The following MIB1 variants were observed in gnomAD, a reference collection of about 807,000 sequenced individuals.
The protein encoded by MIB1 is E3 ubiquitin-protein ligase MIB1.
MIB1 carries 278 observed loss-of-function variants against 124.5 expected under a neutral mutation model. That is an observed-to-expected ratio of 2.23 (90% CI 2.02 to 2.47). MIB1 has a LOEUF of 2.47. MIB1 is among the 30% of genes most tolerant of loss of function. The probability of loss-of-function intolerance (pLI) is 0.00; values close to 1 mark genes in which losing one functional copy is unlikely to be tolerated. For synonymous variants in MIB1, 446 were observed against 429.4 expected (o/e 1.04, Z -0.48); for missense variants, 957 against 1,254.4 (o/e 0.76, Z 3.58).
chr18:21,833,261 C>T (rs1370700671), intron 12 of MIB1, among the ~76,000 whole-genome samples: 2 of 152,154 alleles, frequency 1.3e-5, no homozygotes, highest in Non-Finnish European at 2.9e-5. Context: ...ATCTTTGCCT[C>T]AGTATATTCA....
chr18:21,852,809 T>C (rs2042192045), intron 17 of MIB1, among the ~76,000 whole-genome samples: 1 of 152,248 alleles, frequency 6.6e-6, no homozygotes, highest in Admixed American at 6.5e-5. Context: ...GTTGTCTTTT[T>C]TAGTTTCCCC....
Position 21,799,960 on chromosome 18 carries a change from A to T in MIB1, c.1357A>T (p.Arg453Ter), listed in dbSNP as rs1336165005. The change falls in exon 9 of 21, where the codon AGA becomes TGA. Residue 453 changes from arginine (R) to a stop codon, truncating the protein, a stop_gained. Coordinates refer to ENST00000261537, the MANE Select transcript of MIB1 (RefSeq NM_020774.4). LOFTEE classifies it high-confidence loss of function. ...DVAKVEDLLK[R>*]PDVDVNGQCA... ...TGCTAAAGTGGAAGATTTGCTTAAAAGACCAGATGTGGATGTGAGCATTTT... is the reference window on the plus strand; with the variant it reads ...TGCTAAAGTGGAAGATTTGCTTAAATGACCAGATGTGGATGTGAGCATTTT... The T allele has an allele frequency of 1.9e-6, 3 of 1,611,370 alleles. No homozygotes were observed. The highest frequency in any genetic ancestry group is 2.5e-6 in the Non-Finnish European group (3 of 1,178,286).
At chr18:21,822,768 G>A (rs574606084) in intron 12 of MIB1, among the ~76,000 whole-genome samples, 5 of 151,936 alleles carry the variant, frequency 3.3e-5, no homozygotes, top group African/African-American at 4.8e-5. Flanking sequence ...TAGTGTACTC[G>A]GAATTAAAAA....
At chr18:21,765,982 G>C (rs891512175) in intron 2 of MIB1, 39 bp downstream of exon 2, 1 of 1,594,726 alleles carries the variant, frequency 6.3e-7, no homozygotes, top group African/African-American at 1.3e-5. Context: ...GAGGGTTTTT[G>C]TTTGTATTCA....
chr18:21,860,771 G>T (rs2042269943), intron 20 of MIB1, among the ~76,000 whole-genome samples: 1 of 152,110 alleles, frequency 6.6e-6, no homozygotes, highest in African/African-American at 2.4e-5. Flanking sequence ...TGAGTGATGT[G>T]TACCTGTAAT....
intron 7 of MIB1, among the ~76,000 whole-genome samples, chr18:21,795,361 A>C (rs1180906525): frequency 1.5e-4 from 22 of 143,712 alleles, no homozygotes; most frequent in Non-Finnish European, 1.4e-4. Context: ...TAAATAATAC[A>C]TAATATATAA....
Position 21,857,128 on chromosome 18 carries a change from A to C in MIB1, c.2666-2A>C. On this transcript the variant is annotated splice_acceptor_variant, in intron 18 of 20. Coordinates refer to ENST00000261537, the MANE Select transcript of MIB1 (RefSeq NM_020774.4). LOFTEE classifies it high-confidence loss of function. ...AGAAGTGTCTGTGTTACCGTTTTCC[A>C]GACTGTGCTAACCTGATGAAAAAGT... The C allele has an allele frequency of 6.2e-7, 1 of 1,610,116 alleles. No homozygotes were observed.
At chr18:21,833,060 A>G (rs975333189) in intron 12 of MIB1, among the ~76,000 whole-genome samples, 7 of 152,220 alleles carry the variant, frequency 4.6e-5, no homozygotes, top group African/African-American at 1.7e-4. Context: ...ACTGAGGCAC[A>G]GAAGTTAAGT....
Position 21,847,137 on chromosome 18 carries a change from T to A in MIB1, c.2393+12T>A. 6.2e-7 allele frequency: 1 copy of A among 1,608,658 alleles called. No individual in the cohort carries two copies. The highest frequency in any genetic ancestry group is 8.5e-7 in the Non-Finnish European group (1 of 1,175,750). On this transcript the variant is annotated intron_variant, in intron 16 of 20. Transcript: ENST00000261537. ...AAGGAAAAAGTCAGGTTTGTATTATTTATTATCATAAAACTTAATATTCTG... is the reference window on the plus strand; with the variant it reads ...AAGGAAAAAGTCAGGTTTGTATTATATATTATCATAAAACTTAATATTCTG...
At chr18:21,851,935 CTT>C (rs1568227429) in intron 17 of MIB1, among the ~76,000 whole-genome samples, 1 of 151,962 alleles carries the variant, frequency 6.6e-6, no homozygotes, top group African/African-American at 2.4e-5. Flanking sequence ...ATTTTAAACT[CTT>C]CAGAAACAAT....
At chr18:21,776,525 A>G (rs2146421609) in intron 4 of MIB1, among the ~76,000 whole-genome samples, 1 of 152,322 alleles carries the variant, frequency 6.6e-6, no homozygotes, top group Admixed American at 6.5e-5. Flanking sequence ...ATCCACATCT[A>G]AATTTTCACA....
chr18:21,856,290 A>C (rs2042227879), intron 18 of MIB1, among the ~76,000 whole-genome samples: 1 of 152,010 alleles, frequency 6.6e-6, no homozygotes, highest in Non-Finnish European at 1.5e-5. Flanking sequence ...AACAATCATA[A>C]CAACATACAG....
chr18:21,746,665 C>T (rs1029008716), intron 1 of MIB1, among the ~76,000 whole-genome samples: 3 of 152,044 alleles, frequency 2.0e-5, no homozygotes, highest in African/African-American at 7.2e-5. Flanking sequence ...TGTATTGTTA[C>T]CAGAGATAAT....
At chr18:21,768,887 T>A (rs1013768558) in intron 3 of MIB1, 135 bp downstream of exon 3, 3 of 749,710 alleles carry the variant, frequency 4.0e-6, no homozygotes, top group Middle Eastern at 4.5e-4. Flanking sequence ...TGATTTCTTT[T>A]TTCTCTGGAA....
intron 1 of MIB1, among the ~76,000 whole-genome samples, chr18:21,726,785 C>G (rs2040744075): frequency 6.6e-6 from 1 of 152,172 alleles, no homozygotes; most frequent in African/African-American, 2.4e-5. Flanking sequence ...TTCACTCCCC[C>G]CGTAACAATG....
At position 21,853,224 on chromosome 18, in the gene MIB1, T is replaced by A; in HGVS notation, c.2665+6T>A. On this transcript the variant is annotated splice_donor_region_variant and intron_variant, in intron 18 of 20. Coordinates refer to ENST00000261537, the MANE Select transcript of MIB1 (RefSeq NM_020774.4). ...CCACATGTGTGCTTGTGAGAGTAAGTAGCCTATGCAGAGTTCCTCAATATT... is the reference window on the plus strand; with the variant it reads ...CCACATGTGTGCTTGTGAGAGTAAGAAGCCTATGCAGAGTTCCTCAATATT... 1 of 1,592,564 alleles carries A rather than the reference T, an allele frequency of 6.3e-7. No individual in the cohort carries two copies. The highest frequency in any genetic ancestry group is 8.6e-7 in the Non-Finnish European group (1 of 1,161,018).
intron 12 of MIB1, among the ~76,000 whole-genome samples, chr18:21,834,047 G>A (rs111457254): frequency 3.9e-5 from 6 of 152,142 alleles, no homozygotes; most frequent in African/African-American, 1.4e-4. Flanking sequence ...GTAACTCTAC[G>A]GACCTCAGTG....
intron 6 of MIB1, among the ~76,000 whole-genome samples, chr18:21,780,724 A>G (rs2041351258): frequency 6.6e-6 from 1 of 152,100 alleles, no homozygotes; most frequent in South Asian, 2.1e-4. Flanking sequence ...TTGGGATTAC[A>G]GGAATGAGCC....
chr18:21,833,597 G>A lies in MIB1; in HGVS notation c.1830-4768G>A, dbSNP rs578110406. Among the ~76,000 whole-genome samples the A allele has an allele frequency of 5.9e-5, 9 of 152,314 alleles. No individual in the cohort carries two copies. In the East Asian group the frequency reaches 1.7e-3, roughly 29 times the overall value. Reference sequence around the variant, plus strand: ...AGTACTAACATGTAAGGCCTCCACAGTTTAGCTAGTAGGGTTTGGGAAAAT... The same window carrying A: ...AGTACTAACATGTAAGGCCTCCACAATTTAGCTAGTAGGGTTTGGGAAAAT... On this transcript the variant is annotated intron_variant, in intron 12 of 20. Coordinates refer to ENST00000261537, the MANE Select transcript of MIB1 (RefSeq NM_020774.4).
Sources: allele counts gnomAD v4.1 joint callset (sites outside exome capture counted in the v4.1 genomes callset), GRCh38; gene constraint gnomAD v4.1.1; transcripts MANE v1.5; gene names NCBI Gene and HGNC (gene_info 2026-07-23, HGNC 2026-07-21).